The following PFDN1 variants were observed in gnomAD, a reference collection of about 807,000 sequenced individuals.
The protein encoded by PFDN1 is prefoldin subunit 1.
A neutral mutation model predicts 17.3 loss-of-function variants in PFDN1; 6 were observed. The ratio of observed to expected loss-of-function variants is 0.35; its 90% CI spans 0.19 to 0.69. The LOEUF (loss-of-function observed/expected upper bound fraction) is 0.69, where lower values mean the gene tolerates loss of function less well. PFDN1 is among the 30% of genes least tolerant of loss of function. PFDN1 has a pLI of 0.65. For synonymous variants in PFDN1, 58 were observed against 50.1 expected (o/e 1.16, Z -0.67); for missense variants, 113 against 146.2 (o/e 0.77, Z 1.17).
intron 2 of PFDN1, among the ~76,000 whole-genome samples, chr5:140,290,195 T>C (rs1268600053): frequency 6.6e-6 from 1 of 152,204 alleles, no homozygotes; most frequent in Non-Finnish European, 1.5e-5. Context: ...AGGCTGAATC[T>C]TGATTGGCCT....
intron 3 of PFDN1, among the ~76,000 whole-genome samples, chr5:140,271,355 T>C (rs978641611): frequency 2.0e-5 from 3 of 152,172 alleles, no homozygotes; most frequent in African/African-American, 7.2e-5. Flanking sequence ...ATGAGCTCTA[T>C]AAAGAGATAA....
intron 2 of PFDN1, among the ~76,000 whole-genome samples, chr5:140,287,445 G>A (rs1765514988): frequency 6.6e-6 from 1 of 152,150 alleles, no homozygotes; most frequent in South Asian, 2.1e-4. Flanking sequence ...CCTAGAAACG[G>A]TAACACCTCA....
chr5:140,299,868 AG>A (rs1765714172), intron 2 of PFDN1, among the ~76,000 whole-genome samples: 1 of 151,362 alleles, frequency 6.6e-6, no homozygotes, highest in South Asian at 2.1e-4. Context: ...AAAAATTAGC[AG>A]GGCGTGGTGG....
At chr5:140,295,750 T>C (rs1214155295) in intron 2 of PFDN1, among the ~76,000 whole-genome samples, 1 of 152,078 alleles carries the variant, frequency 6.6e-6, no homozygotes, top group East Asian at 1.9e-4. Flanking sequence ...AAACCAAAAA[T>C]AGCCATGTAT....
rs528418913 is a variant in PFDN1 at position 140,254,542 on chromosome 5, C to T, written c.286-8485G>A. 6.6e-6 allele frequency among the ~76,000 whole-genome samples: 1 copy of T among 152,264 alleles called. No individual in the cohort carries two copies. The highest frequency in any genetic ancestry group is 1.9e-4 in the East Asian group (1 of 5,182). Reference sequence around the variant, plus strand: ...AGTGGCTCCCTGTCTCCCTCTCCACCACAGCTGTACCATTCAAGGTGACTT... The same window carrying T: ...AGTGGCTCCCTGTCTCCCTCTCCACTACAGCTGTACCATTCAAGGTGACTT... On this transcript the variant is annotated intron_variant, in intron 3 of 3. Coordinates refer to ENST00000261813, the MANE Select transcript of PFDN1 (RefSeq NM_002622.5). This position sits in a 1 kb window ranked among gnomAD's most constrained non-coding sequence, Gnocchi z 4.4.
intron 3 of PFDN1, among the ~76,000 whole-genome samples, chr5:140,265,046 A>G (rs1221641629): frequency 3.3e-5 from 5 of 152,178 alleles, no homozygotes; most frequent in African/African-American, 1.2e-4. Flanking sequence ...AATTTTACTC[A>G]GGATTCCACA....
chr5:140,288,197 C>A (rs1440969730), intron 2 of PFDN1, among the ~76,000 whole-genome samples: 1 of 152,192 alleles, frequency 6.6e-6, no homozygotes, highest in Non-Finnish European at 1.5e-5. Flanking sequence ...ACTGTCAGTA[C>A]ATCCATACAA....
At chr5:140,256,813 T>C (rs1180147382) in intron 3 of PFDN1, among the ~76,000 whole-genome samples, 2 of 152,040 alleles carry the variant, frequency 1.3e-5, no homozygotes, top group African/African-American at 4.8e-5. Flanking sequence ...CAAACTCTAC[T>C]CTTCTTTCTA....
At chr5:140,291,282 G>A (rs1057054660) in intron 2 of PFDN1, among the ~76,000 whole-genome samples, 7 of 152,190 alleles carry the variant, frequency 4.6e-5, no homozygotes, top group Admixed American at 2.6e-4. Flanking sequence ...GACCAGGGTG[G>A]TGGTAAGTAG....
rs1361161233 is a variant in PFDN1 at position 140,298,699 on chromosome 5, CAT to C, written c.200+1715_200+1716del. 5.3e-5 allele frequency among the ~76,000 whole-genome samples: 8 copies of C among 151,452 alleles called. No individual in the cohort carries two copies. The South Asian group carries it at 8.3e-4, about 16-fold the overall frequency. On this transcript the variant is annotated intron_variant, in intron 2 of 3. Coordinates refer to ENST00000261813, the MANE Select transcript of PFDN1 (RefSeq NM_002622.5). ...GTAAAATAATTTACTAGATTTCTCA[CAT>C]GTGAGTTGTCCTCCTATTAGAACAA...
intron 1 of PFDN1, among the ~76,000 whole-genome samples, chr5:140,301,453 A>AATAACATC (rs1409067373): frequency 6.6e-6 from 1 of 152,192 alleles, no homozygotes; most frequent in Admixed American, 6.5e-5. Context: ...TTTGTGCCTT[A>AATAACATC]ATAACATCTG....
intron 3 of PFDN1, among the ~76,000 whole-genome samples, chr5:140,278,577 A>C (rs200293032): frequency 0.21 from 30,561 of 143,516 alleles, 4,279 homozygotes; most frequent in South Asian, 0.46. Context: ...AAAAAAAAAA[A>C]AAAAAAAAAA....
rs1180235751 is a variant in PFDN1 at position 140,300,484 on chromosome 5, T to C, written c.132A>G (p.Ala44=). The C allele has an allele frequency of 1.2e-6, 2 of 1,611,148 alleles. No homozygotes were observed. Among genetic ancestry groups the C allele is most frequent in the East Asian group, 4.5e-5 (2 of 44,866 alleles). ...TCATGATCTCTGTATCTGTAAGATG[T>C]GCATGCTTTTTCGTTCTGTTTAGCT... ...IEQLNRTKKH[A]HLTDTEIMTL... is the part of the protein sequence containing the mutation. The change falls in exon 2 of 4, where the codon GCA becomes GCG. Residue 44 remains alanine, a synonymous_variant. Coordinates refer to ENST00000261813, the MANE Select transcript of PFDN1 (RefSeq NM_002622.5).
At chr5:140,279,995 C>CAAAAAAAAAAAAAAAAAAAAAA (rs772575762) in intron 3 of PFDN1, among the ~76,000 whole-genome samples, 6 of 31,256 alleles carry the variant, frequency 1.9e-4, no homozygotes, top group African/African-American at 5.3e-4. Context: ...AACTCCGTCT[C>CAAAAAAAAAAAAAAAAAAAAAA]AAAAAAAAAA....
At chr5:140,288,972 G>A (rs942054431) in intron 2 of PFDN1, among the ~76,000 whole-genome samples, 1 of 151,330 alleles carries the variant, frequency 6.6e-6, no homozygotes, top group Non-Finnish European at 1.5e-5. Flanking sequence ...GCGACAGAGG[G>A]AGACTCTGTC....
chr5:140,250,047 G>A (rs1056528193), intron 3 of PFDN1, among the ~76,000 whole-genome samples: 1 of 152,108 alleles, frequency 6.6e-6, no homozygotes, highest in African/African-American at 2.4e-5. Flanking sequence ...TCTTGGGTAA[G>A]GGCACTAACC....
chr5:140,258,143 T>G (rs1188848892), intron 3 of PFDN1, among the ~76,000 whole-genome samples: 20 of 152,128 alleles, frequency 1.3e-4, no homozygotes, highest in Non-Finnish European at 1.5e-5. Context: ...GAATTTATCT[T>G]GAAGGCAATG....
At chr5:140,290,215 A>G (rs1765559147) in intron 2 of PFDN1, among the ~76,000 whole-genome samples, 1 of 152,182 alleles carries the variant, frequency 6.6e-6, no homozygotes, top group Non-Finnish European at 1.5e-5. Flanking sequence ...TTACCCAATC[A>G]TTGCAGTTGC....
At chr5:140,299,107 C>G (rs551793728) in intron 2 of PFDN1, among the ~76,000 whole-genome samples, 1 of 152,248 alleles carries the variant, frequency 6.6e-6, no homozygotes, top group East Asian at 1.9e-4. Context: ...CAACACTGAT[C>G]AGACATCTGA....
Sources: allele counts gnomAD v4.1 joint callset (sites outside exome capture counted in the v4.1 genomes callset), GRCh38; gene constraint gnomAD v4.1.1; non-coding constraint Gnocchi (gnomAD v3.1); transcripts MANE v1.5; gene names NCBI Gene and HGNC (gene_info 2026-07-23, HGNC 2026-07-21).